The following RAPGEF2 variants were observed in gnomAD, a reference collection of about 807,000 sequenced individuals.
The protein encoded by RAPGEF2 is Rap guanine nucleotide exchange factor 2, also known as PDZ domain containing guanine nucleotide exchange factor (GEF) 1.
A neutral mutation model predicts 186.7 loss-of-function variants in RAPGEF2; 54 were observed. That is an observed-to-expected ratio of 0.29 (90% CI 0.23 to 0.36). RAPGEF2 has a LOEUF of 0.36. Ranked by LOEUF, RAPGEF2 falls within the 10% of genes least tolerant of loss-of-function variation. RAPGEF2 has a pLI of 1.00. For missense variants in RAPGEF2, 1,532 were observed against 2,045.0 expected (o/e 0.75, Z 4.84); for synonymous variants, 712 against 705.9 (o/e 1.01, Z -0.14).
chr4:159,138,514 A>G (rs1164568915), intron 1 of RAPGEF2, among the ~76,000 whole-genome samples: 1 of 152,180 alleles, frequency 6.6e-6, no homozygotes, highest in Non-Finnish European at 1.5e-5. Flanking sequence ...GCCAAATTTT[A>G]AGAGAATTCT....
chr4:159,261,139 G>A (rs939417197), intron 7 of RAPGEF2, among the ~76,000 whole-genome samples: 4 of 150,996 alleles, frequency 2.6e-5, no homozygotes, highest in African/African-American at 9.7e-5. Flanking sequence ...TTGGCTCACT[G>A]CAAGCTCTCC....
intron 1 of RAPGEF2, among the ~76,000 whole-genome samples, chr4:159,183,430 C>A (rs150404341): frequency 9.7e-4 from 148 of 152,210 alleles, no homozygotes; most frequent in African/African-American, 3.5e-3. Flanking sequence ...GATCACAGAC[C>A]TCAATGTAAG....
chr4:159,291,789 T>G (rs1213180853), intron 7 of RAPGEF2, among the ~76,000 whole-genome samples: 1 of 151,948 alleles, frequency 6.6e-6, no homozygotes, highest in Non-Finnish European at 1.5e-5. Flanking sequence ...TGCTGTTGTT[T>G]TTTTTTTTAT....
chr4:159,273,626 GTTTCTTTCTTTCTTTCTTTCTTTC>G lies in RAPGEF2; in HGVS notation c.543+29889_543+29912del, dbSNP rs57811225. ...TTAGCCCTAGTAAGATCAGTAATCA[GTTTCTTTCTTTCTTTCTTTCTTTC>G]TTTCTTTCTTTCTTTCTTTCTTTCT... On this transcript the variant is annotated intron_variant, in intron 7 of 29. Transcript: ENST00000691494. Among the ~76,000 whole-genome samples the G allele has an allele frequency of 9.0e-3, 905 of 100,812 alleles. 6 individuals carry two copies. The highest frequency in any genetic ancestry group is 0.01 in the Middle Eastern group (2 of 196). The allele number at this position is 100,812 out of a possible 152,430, so 66.1% of individuals were successfully genotyped here.
At chr4:159,249,061 G>T (rs966780384) in intron 7 of RAPGEF2, among the ~76,000 whole-genome samples, 2 of 152,130 alleles carry the variant, frequency 1.3e-5, no homozygotes, top group Non-Finnish European at 2.9e-5. Flanking sequence ...TATTTCAAGC[G>T]ATTTATTTGT....
rs1401453197 is a variant in RAPGEF2, at chr4:159,261,360, C to G, written c.543+17569C>G. Among the ~76,000 whole-genome samples, 3 of 152,194 alleles carry G rather than the reference C, an allele frequency of 2.0e-5. No individual in the cohort carries two copies. The East Asian group carries it at 5.8e-4, about 29-fold the overall frequency. On this transcript the variant is annotated intron_variant, in intron 7 of 29. Transcript: ENST00000691494. ...TACGGGCGTGAGCCACCGCATCCAG[C>G]TGAAAAAGGTTAATTATTAAGAAAT...
intron 9 of RAPGEF2, among the ~76,000 whole-genome samples, chr4:159,318,956 TA>T (rs563499289): frequency 1.3e-3 from 200 of 152,302 alleles, no homozygotes; most frequent in African/African-American, 4.6e-3. Flanking sequence ...TGTATCATTC[TA>T]ATAGGTAAGT....
chr4:159,217,892 T>TAA (rs1751137479), intron 4 of RAPGEF2, among the ~76,000 whole-genome samples: 1 of 152,244 alleles, frequency 6.6e-6, no homozygotes, highest in Non-Finnish European at 1.5e-5. Context: ...TTGATTTGCA[T>TAA]TTCTCATAAT....
chr4:159,325,950 A>C (rs955331642), intron 11 of RAPGEF2, among the ~76,000 whole-genome samples: 1 of 152,182 alleles, frequency 6.6e-6, no homozygotes, highest in Non-Finnish European at 1.5e-5. Context: ...ATAGACTCCT[A>C]TATAGCTCCT....
intron 1 of RAPGEF2, among the ~76,000 whole-genome samples, chr4:159,169,187 A>G (rs1334906260): frequency 6.6e-6 from 1 of 151,552 alleles, no homozygotes; most frequent in African/African-American, 2.4e-5. Flanking sequence ...AACCCCCCTC[A>G]ACTCCCAATC....
chr4:159,248,810 C>T (rs1401017311), intron 7 of RAPGEF2, among the ~76,000 whole-genome samples: 2 of 152,170 alleles, frequency 1.3e-5, no homozygotes, highest in Non-Finnish European at 2.9e-5. Context: ...ATTGTAAATT[C>T]ATGCAAGGCA....
At chr4:159,116,025 G>A (rs528265181) in intron 1 of RAPGEF2, among the ~76,000 whole-genome samples, 8 of 152,206 alleles carry the variant, frequency 5.3e-5, no homozygotes, top group East Asian at 3.9e-4. Context: ...ACATAGGCAC[G>A]GGCAAAGATT....
rs1561171071 is a variant in RAPGEF2, at chr4:159,264,225, A to G, written c.543+20434A>G. 5.3e-5 allele frequency among the ~76,000 whole-genome samples: 8 copies of G among 152,204 alleles called. No individual in the cohort carries two copies. The South Asian group carries it at 1.4e-3, about 28-fold the overall frequency. On this transcript the variant is annotated intron_variant, in intron 7 of 29. Transcript: ENST00000691494. Reference sequence around the variant, plus strand: ...ATAACGAAATTTCTGTATTACAATTATGAGTTTTAAGATGTGTAGGTTGTA... The same window carrying G: ...ATAACGAAATTTCTGTATTACAATTGTGAGTTTTAAGATGTGTAGGTTGTA...
chr4:159,224,998 G>A (rs1751880674), intron 4 of RAPGEF2, among the ~76,000 whole-genome samples: 1 of 152,158 alleles, frequency 6.6e-6, no homozygotes, highest in Non-Finnish European at 1.5e-5. Context: ...GAGGGAATGA[G>A]GTAGGTGGGT....
intron 1 of RAPGEF2, among the ~76,000 whole-genome samples, chr4:159,179,573 C>T (rs1385870751): frequency 1.3e-5 from 2 of 152,120 alleles, no homozygotes; most frequent in Non-Finnish European, 2.9e-5. Context: ...TTCTCAGCAC[C>T]CCATTCTTAC....
intron 4 of RAPGEF2, among the ~76,000 whole-genome samples, chr4:159,223,672 T>C (rs944855916): frequency 2.0e-5 from 3 of 152,232 alleles, no homozygotes; most frequent in Admixed American, 2.0e-4. Flanking sequence ...TGAACGTGTA[T>C]ATACTCTAGC....
chr4:159,148,416 A>G (rs568321895), intron 1 of RAPGEF2, among the ~76,000 whole-genome samples: 8 of 152,348 alleles, frequency 5.3e-5, no homozygotes, highest in African/African-American at 1.9e-4. Flanking sequence ...ATTTTGAATC[A>G]GAAAGTGTTA....
At chr4:159,159,674 C>A (rs894426137) in intron 1 of RAPGEF2, among the ~76,000 whole-genome samples, 33 of 152,146 alleles carry the variant, frequency 2.2e-4, no homozygotes, top group African/African-American at 7.7e-4. Context: ...CATATTACAG[C>A]AAATTAAATT....
At chr4:159,236,988 T>C (rs79342939) in intron 4 of RAPGEF2, among the ~76,000 whole-genome samples, 2,330 of 152,292 alleles carry the variant, frequency 0.015, 18 homozygotes, top group Middle Eastern at 0.068. Context: ...TTTTCAAATA[T>C]GTTAAATATG....
Sources: gnomAD v4.1 joint callset for allele counts (sites outside exome capture counted in the v4.1 genomes callset) on GRCh38, gnomAD v4.1.1 for gene constraint, MANE v1.5 for transcripts, NCBI Gene and HGNC (gene_info 2026-07-23, HGNC 2026-07-21) for gene names.